Variants in ARHGAP5 observed in about 807,000 individuals in gnomAD.
The protein encoded by ARHGAP5 is rho GTPase-activating protein 5.
In ARHGAP5, 23 loss-of-function variants were observed where a neutral mutation model predicts 116.6. The ratio of observed to expected loss-of-function variants is 0.20; its 90% CI spans 0.14 to 0.28. The LOEUF is 0.28. ARHGAP5 is among the 10% of genes least tolerant of loss of function. The pLI, the probability that ARHGAP5 is intolerant of heterozygous loss-of-function variation, is 1.00. For missense variants in ARHGAP5, 1,405 were observed against 1,774.8 expected, an observed-to-expected ratio of 0.79 and a Z score of 3.74; for synonymous variants, 574 against 602.0, an observed-to-expected ratio of 0.95 and a Z score of 0.68.
intron 1 of ARHGAP5, among the ~76,000 whole-genome samples, chr14:32,078,897 A>G (rs190273378): frequency 1.3e-5 from 2 of 152,364 alleles, no homozygotes; most frequent in East Asian, 3.8e-4. Context: ...GTGTTTGTAG[A>G]TAAGTATTAC....
In ARHGAP5 at chr14:32,092,499, A is replaced by C; in HGVS notation, c.1830A>C (p.Leu610=). ...ILGKDGLAQE[L]ANEIRTQSTD... ...GGAAGGATGGCCTTGCCCAAGAACT[A>C]GCAAATGAGATAAGGACACAATCCA... The change falls in exon 2 of 7, where the codon CTA becomes CTC. Residue 610 remains leucine, a synonymous_variant. Transcript: ENST00000345122. This position sits in a 1 kb window ranked among gnomAD's most constrained non-coding sequence, Gnocchi z 4.1. 6.2e-7 allele frequency: 1 copy of C among 1,614,054 alleles called. No individual in the cohort carries two copies. Among genetic ancestry groups the C allele is most frequent in the East Asian group, 2.2e-5 (1 of 44,880 alleles).
Position 32,157,606 on chromosome 14 carries a change from C to G in ARHGAP5, c.*2658C>G, listed in dbSNP as rs748159721. 6.6e-6 allele frequency: 1 copy of G among 152,128 alleles called. No homozygotes were observed. Among genetic ancestry groups the G allele is most frequent in the Non-Finnish European group, 1.5e-5 (1 of 67,730 alleles). The allele number at this position is 152,128 out of a possible 1,614,324, so 9.4% of individuals were successfully genotyped here. Reference sequence around the variant, plus strand: ...CAGTAGATTTATTAGAAGTCAAATTCTATTCAACAGACACTTATTAGGATA... The same window carrying G: ...CAGTAGATTTATTAGAAGTCAAATTGTATTCAACAGACACTTATTAGGATA... On this transcript the variant is annotated 3_prime_UTR_variant, in exon 7 of 7. Coordinates refer to ENST00000345122, the MANE Select transcript of ARHGAP5 (RefSeq NM_001030055.2).
chr14:32,146,000 A>G (rs924812586), intron 3 of ARHGAP5, among the ~76,000 whole-genome samples: 1 of 151,954 alleles, frequency 6.6e-6, no homozygotes, highest in Non-Finnish European at 1.5e-5. Context: ...TTGACCTCCC[A>G]GGCTCAGGTG....
At chr14:32,116,307 A>C (rs1016920778) in intron 2 of ARHGAP5, among the ~76,000 whole-genome samples, 8 of 129,238 alleles carry the variant, frequency 6.2e-5, no homozygotes, top group Non-Finnish European at 1.3e-4. Flanking sequence ...ATAAATAAAT[A>C]AGGCTGGGCG....
chr14:32,113,488 T>C (rs1271407453), intron 2 of ARHGAP5, among the ~76,000 whole-genome samples: 1 of 152,178 alleles, frequency 6.6e-6, no homozygotes, highest in Non-Finnish European at 1.5e-5. Flanking sequence ...ATAAGCTACT[T>C]AGCCTTTCAT....
chr14:32,119,236 C>A (rs571377727), intron 3 of ARHGAP5, among the ~76,000 whole-genome samples: 2 of 151,952 alleles, frequency 1.3e-5, no homozygotes, highest in South Asian at 4.1e-4. Flanking sequence ...CATCAATTTA[C>A]AGCTCTCAAA....
At chr14:32,080,527 A>C (rs1442471845) in intron 1 of ARHGAP5, among the ~76,000 whole-genome samples, 1 of 151,892 alleles carries the variant, frequency 6.6e-6, no homozygotes, top group Non-Finnish European at 1.5e-5. Context: ...CTGATTCGTT[A>C]TTCATTAGTT....
At chr14:32,132,646 A>G (rs890979468) in intron 3 of ARHGAP5, among the ~76,000 whole-genome samples, 1 of 152,218 alleles carries the variant, frequency 6.6e-6, no homozygotes, top group Non-Finnish European at 1.5e-5. Flanking sequence ...TGTTTTAGAC[A>G]TGAAGTCCTT....
intron 6 of ARHGAP5, chr14:32,154,404 C>G (rs1391043918): frequency 4.2e-6 from 2 of 471,810 alleles, no homozygotes; most frequent in African/African-American, 3.9e-5. Context: ...CTGCCTCAGC[C>G]TCCCAAAGTG....
At chr14:32,096,893 T>A (rs1878551740) in intron 2 of ARHGAP5, among the ~76,000 whole-genome samples, 1 of 152,162 alleles carries the variant, frequency 6.6e-6, no homozygotes, top group Non-Finnish European at 1.5e-5. Context: ...CGTGCCAAAG[T>A]CTTAAATACA....
chr14:32,110,491 C>T (rs1307904752), intron 2 of ARHGAP5, among the ~76,000 whole-genome samples: 1 of 151,672 alleles, frequency 6.6e-6, no homozygotes. Context: ...GTAAAGGGAA[C>T]GGCCACTACA....
intron 2 of ARHGAP5, among the ~76,000 whole-genome samples, chr14:32,111,210 A>G (rs941804635): frequency 1.3e-5 from 2 of 152,210 alleles, no homozygotes; most frequent in Non-Finnish European, 2.9e-5. Context: ...GCTACAGTGA[A>G]CTATAATCGT....
intron 3 of ARHGAP5, among the ~76,000 whole-genome samples, chr14:32,123,137 G>T (rs535117805): frequency 1.3e-5 from 2 of 151,782 alleles, no homozygotes; most frequent in East Asian, 3.9e-4. Flanking sequence ...CTAGTTTTCA[G>T]CAATTTTATT....
intron 1 of ARHGAP5, among the ~76,000 whole-genome samples, chr14:32,087,726 G>C (rs989461363): frequency 2.0e-5 from 3 of 151,946 alleles, no homozygotes; most frequent in African/African-American, 7.2e-5. Flanking sequence ...AGAAGAATAA[G>C]GATGTTCCTC....
In ARHGAP5 at chr14:32,090,854, T is replaced by G; in HGVS notation, c.185T>G (p.Phe62Cys). The change falls in exon 2 of 7, where the codon TTT (phenylalanine) becomes TGT (cysteine). Residue 62 changes from phenylalanine to cysteine, a missense_variant. Phe to Cys is a radical substitution (Grantham distance 205, BLOSUM62 -2). Transcript: ENST00000345122. ...ACTTCTGTGCTTAGCACCATTGACT[T>G]TGGAGGACGAGTAGTAAACAATGAT... is the stretch of plus-strand genomic sequence containing the variant. The part of the protein sequence containing the change: ...EHTSVLSTID[F>C]GGRVVNNDHF... The G allele has an allele frequency of 6.2e-7, 1 of 1,613,604 alleles. No individual in the cohort carries two copies. Among genetic ancestry groups the G allele is most frequent in the Non-Finnish European group, 8.5e-7 (1 of 1,179,622 alleles).
rs552001188 is a variant in ARHGAP5 at position 32,149,013 on chromosome 14, A to G, written c.3944-889A>G. Among the ~76,000 whole-genome samples, 143 of 152,284 alleles carry G rather than the reference A, an allele frequency of 9.4e-4. 3 individuals carry two copies. Among genetic ancestry groups the G allele is most frequent in the African/African-American group, 3.3e-3 (138 of 41,564 alleles). On this transcript the variant is annotated intron_variant, in intron 4 of 6. Transcript: ENST00000345122. ...ATACAAATTGAGTACCCCTTATTCAAAATTCTTGGGGCCCAGAAGTATTTT... is the reference window on the plus strand; with the variant it reads ...ATACAAATTGAGTACCCCTTATTCAGAATTCTTGGGGCCCAGAAGTATTTT...
At chr14:32,089,179 C>G (rs1346218210) in intron 1 of ARHGAP5, among the ~76,000 whole-genome samples, 1 of 151,754 alleles carries the variant, frequency 6.6e-6, no homozygotes, top group Non-Finnish European at 1.5e-5. Flanking sequence ...AAATGTTAGT[C>G]AAGATTTTAA....
intron 1 of ARHGAP5, 78 bp downstream of exon 1, chr14:32,077,513 C>G (rs1044732365): frequency 6.8e-5 from 44 of 650,744 alleles, no homozygotes; most frequent in Non-Finnish European, 1.1e-4. Flanking sequence ...CTAGCTGCCC[C>G]GCTCGGTCGC....
intron 3 of ARHGAP5, among the ~76,000 whole-genome samples, chr14:32,123,907 G>T (rs1367872620): frequency 6.6e-6 from 1 of 152,056 alleles, no homozygotes; most frequent in African/African-American, 2.4e-5. Context: ...TATATTAAAA[G>T]ATCTTCTGAG....
Sources: gnomAD v4.1 joint callset for allele counts (sites outside exome capture counted in the v4.1 genomes callset) on GRCh38, gnomAD v4.1.1 for gene constraint, Gnocchi (gnomAD v3.1) non-coding constraint, MANE v1.5 for transcripts, NCBI Gene and HGNC (gene_info 2026-07-23, HGNC 2026-07-21) for gene names.